The following DYRK1A variants were observed in gnomAD, a reference collection of about 807,000 sequenced individuals.
The protein encoded by DYRK1A is dual specificity tyrosine-phosphorylation-regulated kinase 1A.
A neutral mutation model predicts 79.7 loss-of-function variants in DYRK1A; 9 were observed. The observed-to-expected ratio is 0.11, with a 90% confidence interval of 0.07 to 0.20. The LOEUF (loss-of-function observed/expected upper bound fraction) is 0.20, where lower values mean the gene tolerates loss of function less well. Ranked by LOEUF, DYRK1A falls within the 10% of genes least tolerant of loss-of-function variation. The probability of loss-of-function intolerance (pLI) is 1.00; values close to 1 mark genes in which losing one functional copy is unlikely to be tolerated. For synonymous variants in DYRK1A, 349 were observed against 329.7 expected (o/e 1.06, Z -0.63); for missense variants, 622 against 956.0 (o/e 0.65, Z 4.61).
chr21:37,472,548 A>C, intron 2 of DYRK1A, 136 bp from the exon 3 acceptor site: 1 of 567,008 alleles, frequency 1.8e-6, no homozygotes, highest in Non-Finnish European at 3.0e-6. Context: ...TGAGTAACAT[A>C]TACCTGTTTG....
At chr21:37,397,700 A>G (rs192446006) in intron 1 of DYRK1A, among the ~76,000 whole-genome samples, 1 of 152,136 alleles carries the variant, frequency 6.6e-6, no homozygotes, top group African/African-American at 2.4e-5. Flanking sequence ...TGTTCAAAAT[A>G]TAGGTTCAGG....
intron 2 of DYRK1A, among the ~76,000 whole-genome samples, chr21:37,467,729 C>T (rs879185771): frequency 1.3e-5 from 2 of 152,104 alleles, no homozygotes; most frequent in African/African-American, 2.4e-5. Flanking sequence ...CTGTTAAAAA[C>T]CTGCAGCAAC....
At chr21:37,407,946 C>T (rs777781911) in intron 1 of DYRK1A, among the ~76,000 whole-genome samples, 1 of 152,106 alleles carries the variant, frequency 6.6e-6, no homozygotes, top group East Asian at 1.9e-4. Context: ...GGAGTTTTAC[C>T]CCGGCTCCCT....
intron 1 of DYRK1A, among the ~76,000 whole-genome samples, chr21:37,406,983 G>A (rs899806521): frequency 6.2e-5 from 9 of 144,948 alleles, no homozygotes; most frequent in Non-Finnish European, 9.0e-5. Context: ...CCTCCCTACC[G>A]CTCCTCCCCT....
chr21:37,473,726 G>A (rs1224661794), intron 3 of DYRK1A, among the ~76,000 whole-genome samples: 3 of 152,112 alleles, frequency 2.0e-5, no homozygotes, highest in African/African-American at 7.2e-5. Flanking sequence ...ATATTAAAAC[G>A]TGTTTGTAAT....
chr21:37,487,774 T>A (rs1048996444), intron 6 of DYRK1A: 1 of 152,132 alleles, frequency 6.6e-6, no homozygotes, highest in African/African-American at 2.4e-5. Context: ...ATAAAATGAG[T>A]TTCTATTAAT....
intron 3 of DYRK1A, among the ~76,000 whole-genome samples, chr21:37,474,211 C>T (rs1302903004): frequency 6.6e-6 from 1 of 152,166 alleles, no homozygotes; most frequent in Non-Finnish European, 1.5e-5. Context: ...GCTAGGAAAA[C>T]TTCCAGTCCT....
chr21:37,420,212 G>A, intron 1 of DYRK1A, 87 bp from the exon 2 acceptor site: 1 of 439,078 alleles, frequency 2.3e-6, no homozygotes, highest in South Asian at 8.1e-5. Flanking sequence ...TTTATGTTTT[G>A]GGATTGTAGT....
rs964600985 is a variant in DYRK1A, at chr21:37,519,349, C to G, written c.*6818C>G. 6.6e-5 allele frequency: 10 copies of G among 152,298 alleles called. No individual in the cohort carries two copies. Among genetic ancestry groups the G allele is most frequent in the Non-Finnish European group, 1.3e-4 (9 of 68,108 alleles). The allele number at this position is 152,298 out of a possible 1,614,324, so 9.4% of individuals were successfully genotyped here. On this transcript the variant is annotated 3_prime_UTR_variant, in exon 12 of 12. Coordinates refer to ENST00000647188, the MANE Select transcript of DYRK1A (RefSeq NM_001347721.2). ...CATTGGCTTCGTGACCCTGGGTACG[C>G]TGCTCAACTTGCGCAAGGATTACTG...
chr21:37,461,524 TTCC>T, intron 2 of DYRK1A, among the ~76,000 whole-genome samples: 1 of 152,232 alleles, frequency 6.6e-6, no homozygotes. Context: ...TGGAATCATT[TTCC>T]TTCTGTGAAC....
intron 2 of DYRK1A, among the ~76,000 whole-genome samples, chr21:37,470,820 AGT>A (rs2148551683): frequency 6.6e-6 from 1 of 152,372 alleles, no homozygotes; most frequent in East Asian, 1.9e-4. Flanking sequence ...AGTTTGTAGA[AGT>A]TCTTTTAAAA....
At chr21:37,388,070 CTG>C (rs1277001431) in intron 1 of DYRK1A, among the ~76,000 whole-genome samples, 1 of 141,338 alleles carries the variant, frequency 7.1e-6, no homozygotes, top group Non-Finnish European at 1.6e-5. Flanking sequence ...TTATAAATTT[CTG>C]TGTTTTTATC....
At chr21:37,425,734 A>G (rs1484280625) in intron 2 of DYRK1A, 1 of 152,250 alleles carries the variant, frequency 6.6e-6, no homozygotes, top group African/African-American at 2.4e-5. Flanking sequence ...CGTCACATTC[A>G]GCATCTGCAA....
At chr21:37,395,603 C>CA (rs1020935304) in intron 1 of DYRK1A, among the ~76,000 whole-genome samples, 1 of 151,852 alleles carries the variant, frequency 6.6e-6, no homozygotes, top group Non-Finnish European at 1.5e-5. Context: ...ATGGGATACT[C>CA]AAAAAAAGGT....
In DYRK1A at chr21:37,480,901, C is replaced by T. The variant is rs192664621; in HGVS notation, c.489+75C>T. The stretch of plus-strand genomic sequence containing the variant: ...GTGAATCTTGTTGTTAACAGCCCTT[C>T]CTCAAGAGTGTACTTTTAATATTTG... On this transcript the variant is annotated intron_variant, in intron 5 of 11. Coordinates refer to ENST00000647188, the MANE Select transcript of DYRK1A (RefSeq NM_001347721.2). The T allele has an allele frequency of 4.2e-6, 5 of 1,190,292 alleles. No individual in the cohort carries two copies. The African/African-American group carries it at 4.7e-5, about 11-fold the overall frequency. 73.7% of individuals were successfully genotyped at this position (1,190,292 alleles called of 1,614,324 possible). A position where few individuals can be genotyped will look rare whatever the true frequency, so the allele number is the denominator to read the frequency against.
intron 2 of DYRK1A, among the ~76,000 whole-genome samples, chr21:37,433,474 TC>T (rs1284064539): frequency 1.3e-5 from 2 of 152,220 alleles, no homozygotes; most frequent in African/African-American, 4.8e-5. Context: ...TATTAAAGAT[TC>T]ATGAGTAAGA....
chr21:37,490,135 T>A, intron 6 of DYRK1A, 40 bp from the exon 7 acceptor site: 1 of 1,560,104 alleles, frequency 6.4e-7, no homozygotes. Flanking sequence ...CTCAGTTTAT[T>A]GGTATATATA....
chr21:37,424,550 A>G (rs151074811), intron 2 of DYRK1A, among the ~76,000 whole-genome samples: 3 of 152,174 alleles, frequency 2.0e-5, no homozygotes, highest in African/African-American at 7.2e-5. Flanking sequence ...GTTGACTAAC[A>G]TATCATAAAT....
intron 2 of DYRK1A, among the ~76,000 whole-genome samples, chr21:37,463,340 T>G (rs1480701840): frequency 6.6e-6 from 1 of 152,214 alleles, no homozygotes; most frequent in African/African-American, 2.4e-5. Flanking sequence ...ACTTTTTGCA[T>G]AGTCACAGTC....
Sources: gnomAD v4.1 joint callset for allele counts (sites outside exome capture counted in the v4.1 genomes callset) on GRCh38, gnomAD v4.1.1 for gene constraint, MANE v1.5 for transcripts, NCBI Gene and HGNC (gene_info 2026-07-23, HGNC 2026-07-21) for gene names.